Variants in FSTL4 observed in about 807,000 individuals in gnomAD.
FSTL4 encodes follistatin like 4.
A neutral mutation model predicts 78.2 loss-of-function variants in FSTL4; 28 were observed. That is an observed-to-expected ratio of 0.36 (90% CI 0.27 to 0.49). The LOEUF (loss-of-function observed/expected upper bound fraction) is 0.49, where lower values mean the gene tolerates loss of function less well. Among genes scored for constraint, FSTL4 ranks in the 20% least tolerant of loss-of-function variants. The pLI is 0.98. For synonymous variants in FSTL4, 422 were observed against 440.5 expected (o/e 0.96, Z 0.53); for missense variants, 922 against 1,084.9 (o/e 0.85, Z 2.11).
At chr5:133,322,225 CCACA>C (rs10660064) in intron 4 of FSTL4, among the ~76,000 whole-genome samples, 1 of 140,316 alleles carries the variant, frequency 7.1e-6, no homozygotes, top group Non-Finnish European at 1.5e-5. Flanking sequence ...ACACACACAC[CCACA>C]CACACACACA....
At chr5:133,432,044 A>T (rs1756951166) in intron 3 of FSTL4, among the ~76,000 whole-genome samples, 1 of 152,198 alleles carries the variant, frequency 6.6e-6, no homozygotes, top group Admixed American at 6.5e-5. Context: ...TTGAGAGTTA[A>T]ATAACAATTC....
the FSTL4 span, among the ~76,000 whole-genome samples, chr5:133,829,561 C>T: frequency 2.0e-5 from 3 of 152,154 alleles, no homozygotes; most frequent in African/African-American, 7.2e-5. Context: ...AAGAATTAGA[C>T]ACAGTTGCCA....
the FSTL4 span, among the ~76,000 whole-genome samples, chr5:133,740,594 A>G: frequency 6.6e-6 from 1 of 152,126 alleles, no homozygotes; most frequent in Non-Finnish European, 1.5e-5. Flanking sequence ...GTGCTCTGTA[A>G]TCAATAAAGC....
chr5:133,369,430 C>T (rs1388771457), intron 4 of FSTL4, among the ~76,000 whole-genome samples: 7 of 152,096 alleles, frequency 4.6e-5, no homozygotes, highest in Admixed American at 2.6e-4. Flanking sequence ...CCACTCACAG[C>T]AGAGTCTCAG....
At position 133,210,278 on chromosome 5, in the gene FSTL4, C is replaced by G; in HGVS notation, c.1629G>C (p.Leu543=). 1 of 1,607,060 alleles carries G rather than the reference C, an allele frequency of 6.2e-7. No individual in the cohort carries two copies. The highest frequency in any genetic ancestry group is 8.5e-7 in the Non-Finnish European group (1 of 1,173,904). Residue 543 remains leucine (L), a synonymous_variant, in exon 14 of 16, where the codon CTG becomes CTC. Transcript: ENST00000265342. ...KVLQSIGVDP[L]PAKLSYDKSH... ...ACTTGTCATAGGACAGCTTAGCCGG[C>G]AGAGGGTCCACACCTATGGACTTGA... is the stretch of plus-strand genomic sequence containing the variant.
At chr5:133,726,573 G>GT in the FSTL4 span, among the ~76,000 whole-genome samples, 1 of 152,168 alleles carries the variant, frequency 6.6e-6, no homozygotes, top group Non-Finnish European at 1.5e-5. Flanking sequence ...CACAGAGGGG[G>GT]TTTTTGTGGC....
chr5:133,699,536 C>T, the FSTL4 span, among the ~76,000 whole-genome samples: 1 of 152,026 alleles, frequency 6.6e-6, no homozygotes, highest in South Asian at 2.1e-4. Flanking sequence ...TAGGTACTTC[C>T]CCAGGGAGTA....
At chr5:133,753,364 A>G in the FSTL4 span, among the ~76,000 whole-genome samples, 4 of 152,104 alleles carry the variant, frequency 2.6e-5, no homozygotes, top group Non-Finnish European at 5.9e-5. Flanking sequence ...GGTTACTTCT[A>G]CTCAGTGACT....
the FSTL4 span, among the ~76,000 whole-genome samples, chr5:133,673,716 G>A: frequency 6.6e-6 from 1 of 152,162 alleles, no homozygotes; most frequent in African/African-American, 2.4e-5. Context: ...CAGAGCTCTG[G>A]CCAGGAAATA....
Position 133,611,141 on chromosome 5 carries a change from G to A in FSTL4, c.-11+1184C>T, listed in dbSNP as rs1325344401. ...TGTGGCCGCGCCATTCATCAGTGTC[G>A]GCGGCCCGCGGCCGCGAGCGAGGGC... is the stretch of plus-strand genomic sequence containing the variant. On this transcript the variant is annotated intron_variant, in intron 1 of 15. Transcript: ENST00000265342. The surrounding 1 kb of genome is among the most constrained non-coding windows in gnomAD (Gnocchi z 4.9). Among the ~76,000 whole-genome samples the A allele has an allele frequency of 6.6e-6, 1 of 151,956 alleles. No individual in the cohort carries two copies. The highest frequency in any genetic ancestry group is 1.5e-5 in the Non-Finnish European group (1 of 67,930).
chr5:133,817,366 G>A, the FSTL4 span, among the ~76,000 whole-genome samples: 1 of 152,196 alleles, frequency 6.6e-6, no homozygotes, highest in South Asian at 2.1e-4. Context: ...GGAAACAGAA[G>A]CCATTCTAGG....
chr5:133,218,050 C>G (rs1258049921), intron 12 of FSTL4, among the ~76,000 whole-genome samples: 1 of 152,150 alleles, frequency 6.6e-6, no homozygotes, highest in African/African-American at 2.4e-5. Flanking sequence ...GGCCTCTTCC[C>G]CGAACTCTAG....
chr5:133,788,451 G>A, the FSTL4 span, among the ~76,000 whole-genome samples: 1 of 152,210 alleles, frequency 6.6e-6, no homozygotes, highest in Non-Finnish European at 1.5e-5. Flanking sequence ...TTGAGGCCCT[G>A]GACCTTGGCA....
intron 3 of FSTL4, among the ~76,000 whole-genome samples, chr5:133,413,170 A>T (rs1580692864): frequency 2.6e-5 from 4 of 152,156 alleles, no homozygotes; most frequent in African/African-American, 7.2e-5. Flanking sequence ...GAACCTTAGA[A>T]CACCTTAGAA....
chr5:133,517,447 A>AAAAAAATATATATATATATATATATAT (rs1554068019), intron 3 of FSTL4, among the ~76,000 whole-genome samples: 1 of 16,402 alleles, frequency 6.1e-5, no homozygotes, highest in African/African-American at 2.8e-4. Flanking sequence ...AAAAAAAAAA[A>AAAAAAATATATATATATATATATATAT]ATATATATAT....
At chr5:133,606,093 T>C (rs1403808049) in intron 1 of FSTL4, among the ~76,000 whole-genome samples, 1 of 152,138 alleles carries the variant, frequency 6.6e-6, no homozygotes, top group Non-Finnish European at 1.5e-5. Context: ...GGACTAAGAA[T>C]AAAAATGTCT....
chr5:133,307,494 C>T (rs1176483014), intron 6 of FSTL4, among the ~76,000 whole-genome samples: 1 of 152,196 alleles, frequency 6.6e-6, no homozygotes, highest in Non-Finnish European at 1.5e-5. Flanking sequence ...TCAGTTTCTT[C>T]ATCTGTGAAA....
intron 3 of FSTL4, among the ~76,000 whole-genome samples, chr5:133,503,983 AAG>A (rs1455226545): frequency 6.6e-6 from 1 of 152,224 alleles, no homozygotes; most frequent in Non-Finnish European, 1.5e-5. Context: ...GAGGAATGAG[AAG>A]AATGAGAGCC....
the FSTL4 span, among the ~76,000 whole-genome samples, chr5:133,644,007 T>C: frequency 1.3e-5 from 2 of 152,210 alleles, no homozygotes; most frequent in African/African-American, 4.8e-5. Context: ...TCTATTCTTC[T>C]AGTAAATAAA....
Sources: gnomAD v4.1 joint callset for allele counts (sites outside exome capture counted in the v4.1 genomes callset) on GRCh38, gnomAD v4.1.1 for gene constraint, Gnocchi (gnomAD v3.1) non-coding constraint, MANE v1.5 for transcripts, NCBI Gene and HGNC (gene_info 2026-07-23, HGNC 2026-07-21) for gene names.